Variants in WDR7 observed in about 807,000 individuals in gnomAD.
The protein encoded by WDR7 is WD repeat domain 7, also known as WD repeat-containing protein 7.
WDR7 carries 46 observed loss-of-function variants against 169.4 expected under a neutral mutation model. The ratio of observed to expected loss-of-function variants is 0.27; its 90% CI spans 0.21 to 0.35. The LOEUF is 0.35. Among genes scored for constraint, WDR7 ranks in the 10% least tolerant of loss-of-function variants. The pLI is 1.00. For missense variants in WDR7, 1,534 were observed against 1,859.3 expected, an observed-to-expected ratio of 0.83 and a Z score of 3.22; for synonymous variants, 612 against 666.8, an observed-to-expected ratio of 0.92 and a Z score of 1.27.
At chr18:56,753,196 G>T (rs2043822627) in intron 14 of WDR7, 1 of 152,132 alleles carries the variant, frequency 6.6e-6, no homozygotes, top group African/African-American at 2.4e-5. Flanking sequence ...GAGCTGATTG[G>T]CAATTTAAAA....
At chr18:56,761,227 C>A (rs536442531) in intron 16 of WDR7, among the ~76,000 whole-genome samples, 1 of 152,242 alleles carries the variant, frequency 6.6e-6, no homozygotes, top group East Asian at 1.9e-4. Context: ...CCAGGCTGGT[C>A]TTGAACTCCT....
intron 20 of WDR7, among the ~76,000 whole-genome samples, chr18:56,834,338 C>G (rs987855575): frequency 1.3e-5 from 2 of 152,124 alleles, no homozygotes; most frequent in Non-Finnish European, 2.9e-5. Context: ...TGCCTTTACT[C>G]AAGGCCAAGG....
chr18:56,744,698 C>G (rs1217596364), intron 14 of WDR7, among the ~76,000 whole-genome samples: 1 of 152,094 alleles, frequency 6.6e-6, no homozygotes, highest in African/African-American at 2.4e-5. Context: ...ACTACTGGCA[C>G]CTGGCTCCTA....
intron 13 of WDR7, among the ~76,000 whole-genome samples, chr18:56,729,996 T>G (rs1195704845): frequency 2.0e-5 from 3 of 152,252 alleles, no homozygotes; most frequent in Non-Finnish European, 4.4e-5. Flanking sequence ...CTTTTCTTGA[T>G]TGTTCATATT....
intron 21 of WDR7, among the ~76,000 whole-genome samples, chr18:56,895,237 A>C (rs1475887898): frequency 6.6e-6 from 1 of 152,032 alleles, no homozygotes; most frequent in Admixed American, 6.6e-5. Flanking sequence ...ATAATCAAAA[A>C]TGAGTAACTT....
At chr18:56,989,625 T>A (rs1331842541) in intron 26 of WDR7, among the ~76,000 whole-genome samples, 1 of 152,188 alleles carries the variant, frequency 6.6e-6, no homozygotes, top group Non-Finnish European at 1.5e-5. Context: ...AAGACTTTTT[T>A]AGGAAGAATT....
intron 22 of WDR7, among the ~76,000 whole-genome samples, chr18:56,930,167 C>G (rs2046861865): frequency 6.6e-6 from 1 of 152,194 alleles, no homozygotes; most frequent in Non-Finnish European, 1.5e-5. Context: ...ACCAAACATT[C>G]AGAGAGAAGC....
chr18:56,915,559 T>G (rs2046613327), intron 21 of WDR7, among the ~76,000 whole-genome samples: 1 of 152,190 alleles, frequency 6.6e-6, no homozygotes, highest in African/African-American at 2.4e-5. Context: ...TGGCTATGTC[T>G]TCATTGATGA....
intron 22 of WDR7, among the ~76,000 whole-genome samples, chr18:56,927,212 A>G (rs2046820387): frequency 1.3e-5 from 2 of 152,122 alleles, no homozygotes; most frequent in Non-Finnish European, 2.9e-5. Flanking sequence ...AACACATATC[A>G]TGGCAGAGTT....
intron 24 of WDR7, among the ~76,000 whole-genome samples, 166 bp downstream of exon 24, chr18:56,938,848 A>G (rs1286865295): frequency 1.6e-5 from 2 of 125,566 alleles, no homozygotes; most frequent in Non-Finnish European, 3.7e-5. Context: ...TGTGTAAGAG[A>G]GAGATAACTA....
chr18:56,866,412 A>G (rs1599112900), intron 20 of WDR7, among the ~76,000 whole-genome samples: 1 of 151,140 alleles, frequency 6.6e-6, no homozygotes, highest in African/African-American at 2.4e-5. Flanking sequence ...CAAATACAGT[A>G]TTAGGAGGTA....
chr18:56,896,735 T>C (rs1262232130), intron 21 of WDR7, among the ~76,000 whole-genome samples: 1 of 151,796 alleles, frequency 6.6e-6, no homozygotes, highest in Non-Finnish European at 1.5e-5. Context: ...TTTTGAAAGA[T>C]GATATAGGAA....
At chr18:56,922,077 A>G (rs1023755258) in intron 21 of WDR7, among the ~76,000 whole-genome samples, 1 of 152,198 alleles carries the variant, frequency 6.6e-6, no homozygotes, top group African/African-American at 2.4e-5. Context: ...GTGTTTCAGG[A>G]TGTCTGCAGA....
intron 19 of WDR7, among the ~76,000 whole-genome samples, chr18:56,797,516 TTTTATA>T (rs2044604237): frequency 6.6e-6 from 1 of 151,848 alleles, no homozygotes; most frequent in Non-Finnish European, 1.5e-5. Flanking sequence ...CCATTTTATA[TTTTATA>T]TTTATGATAT....
At position 56,672,613 on chromosome 18, in the gene WDR7, C is replaced by A. The variant is rs989227778; in HGVS notation, c.98C>A (p.Thr33Lys). Residue 33 changes from threonine (T) to lysine (K), a missense_variant, in exon 2 of 28, where the codon ACG (threonine) becomes AAG (lysine). By Grantham distance (78) the Thr-to-Lys change is moderately conservative. Coordinates refer to ENST00000254442, the MANE Select transcript of WDR7 (RefSeq NM_015285.3). ...SAVLLTDDGA[T>K]IVTGCHDGQI... ...GTACTTTTAACAGATGATGGGGCCA[C>A]GATCGTAACAGGATGTCACGACGGA... 4 of 1,613,032 alleles carry A rather than the reference C, an allele frequency of 2.5e-6. No homozygotes were observed. Among genetic ancestry groups the A allele is most frequent in the Non-Finnish European group, 2.5e-6 (3 of 1,179,482 alleles).
At chr18:56,728,183 C>G (rs1027032961) in intron 13 of WDR7, among the ~76,000 whole-genome samples, 4 of 152,186 alleles carry the variant, frequency 2.6e-5, no homozygotes, top group Non-Finnish European at 5.9e-5. Flanking sequence ...CTAGAGTTTA[C>G]TTAGGTCACT....
At chr18:56,882,944 T>C (rs774436340) in intron 21 of WDR7, among the ~76,000 whole-genome samples, 5 of 152,132 alleles carry the variant, frequency 3.3e-5, no homozygotes, top group Admixed American at 6.5e-5. Flanking sequence ...TAGGAACGGC[T>C]GGGCGCGGTG....
At position 56,735,968 on chromosome 18, in the gene WDR7, T is replaced by C. The variant is rs543994845; in HGVS notation, c.1989+4371T>C. Among the ~76,000 whole-genome samples the C allele has an allele frequency of 5.3e-5, 8 of 152,278 alleles. No individual in the cohort carries two copies. The East Asian group carries it at 1.5e-3, about 29-fold the overall frequency. On this transcript the variant is annotated intron_variant, in intron 14 of 27. Transcript: ENST00000254442. ...TATCACGATCGTAAGTACAGTTCTCTGGTGGAATGGCTTTTGCTTTATTTT... is the reference window on the plus strand; with the variant it reads ...TATCACGATCGTAAGTACAGTTCTCCGGTGGAATGGCTTTTGCTTTATTTT...
chr18:56,835,503 T>G (rs1229844352), intron 20 of WDR7, among the ~76,000 whole-genome samples: 1 of 152,218 alleles, frequency 6.6e-6, no homozygotes. Context: ...ACAGCATTAA[T>G]CATCATCAGG....
Sources: allele counts gnomAD v4.1 joint callset (sites outside exome capture counted in the v4.1 genomes callset), GRCh38; gene constraint gnomAD v4.1.1; transcripts MANE v1.5; gene names NCBI Gene and HGNC (gene_info 2026-07-23, HGNC 2026-07-21).